PPP1R12B: variants seen among roughly 807,000 people sequenced by gnomAD.
The protein encoded by PPP1R12B is protein phosphatase 1 regulatory subunit 12B, also known as myosin phosphatase target subunit 2.
A neutral mutation model predicts 126.1 loss-of-function variants in PPP1R12B; 76 were observed. The observed-to-expected ratio is 0.60, with a 90% CI of 0.50 to 0.73. The LOEUF is 0.73. PPP1R12B is among the 30% of genes least tolerant of loss of function. The pLI is 0.00. For missense variants in PPP1R12B, 1,052 were observed against 1,205.1 expected (o/e 0.87, Z 1.88); for synonymous variants, 356 against 434.7 (o/e 0.82, Z 2.25).
intron 1 of PPP1R12B, among the ~76,000 whole-genome samples, chr1:202,358,356 TTA>T (rs1452318067): frequency 6.6e-5 from 10 of 152,258 alleles, no homozygotes; most frequent in African/African-American, 2.4e-4. Context: ...CATGCAGAGT[TTA>T]TGTTTGTTTC....
intron 18 of PPP1R12B, among the ~76,000 whole-genome samples, chr1:202,543,623 G>A (rs1255772507): frequency 3.9e-5 from 6 of 152,102 alleles, no homozygotes; most frequent in African/African-American, 9.7e-5. Context: ...CACCTGTTAA[G>A]CTTTTCGGGA....
intron 7 of PPP1R12B, 112 bp downstream of exon 7, chr1:202,430,922 T>C (rs1670112443): frequency 7.1e-7 from 1 of 1,412,378 alleles, no homozygotes; most frequent in Non-Finnish European, 9.3e-7. Flanking sequence ...AGCCGAGTGA[T>C]CTATAAACTT....
At position 202,580,668 on chromosome 1, in the gene PPP1R12B, G is replaced by T. The variant is rs560982842; in HGVS notation, c.*108G>T. On this transcript the variant is annotated 3_prime_UTR_variant, in exon 24 of 24. Transcript: ENST00000608999. Reference sequence around the variant, plus strand: ...AAAGAAATGGATGTTTTGGTGGAAGGACACTTCTTTCTATCACCCTCTTCA... The same window carrying T: ...AAAGAAATGGATGTTTTGGTGGAAGTACACTTCTTTCTATCACCCTCTTCA... 1.8e-5 allele frequency: 16 copies of T among 902,338 alleles called. No individual in the cohort carries two copies. The East Asian group carries it at 3.4e-4, about 19-fold the overall frequency. The allele number at this position is 902,338 out of a possible 1,614,324, so 55.9% of individuals were successfully genotyped here.
At chr1:202,525,972 G>A (rs1295611423) in intron 18 of PPP1R12B, among the ~76,000 whole-genome samples, 1 of 152,244 alleles carries the variant, frequency 6.6e-6, no homozygotes, top group Non-Finnish European at 1.5e-5. Context: ...TGGGATCACA[G>A]GCGTGAGCTG....
intron 1 of PPP1R12B, among the ~76,000 whole-genome samples, chr1:202,402,699 G>A (rs1175306253): frequency 1.3e-5 from 2 of 152,172 alleles, no homozygotes; most frequent in African/African-American, 2.4e-5. Context: ...TGAGGTCAGA[G>A]CAATGTAGAA....
intron 12 of PPP1R12B, 86 bp from the exon 13 acceptor site, chr1:202,448,903 C>T (rs1422499296): frequency 6.4e-6 from 9 of 1,409,932 alleles, no homozygotes; most frequent in Non-Finnish European, 8.8e-6. Flanking sequence ...ATGAACCACT[C>T]TTTAATCCTT....
chr1:202,531,126 G>C (rs1419018486), intron 18 of PPP1R12B, among the ~76,000 whole-genome samples: 4 of 152,202 alleles, frequency 2.6e-5, no homozygotes, highest in African/African-American at 7.2e-5. Flanking sequence ...ATCAGAAGAA[G>C]AAGAAGTGAC....
chr1:202,577,749 T>C (rs1214253844), intron 23 of PPP1R12B, among the ~76,000 whole-genome samples: 1 of 152,262 alleles, frequency 6.6e-6, no homozygotes, highest in East Asian at 1.9e-4. Context: ...TTGCTCTAGG[T>C]CTCTGAAGCT....
chr1:202,429,077 A>G (rs1056107970), intron 6 of PPP1R12B, 148 bp downstream of exon 6: 5 of 642,210 alleles, frequency 7.8e-6, no homozygotes, highest in African/African-American at 5.7e-5. Flanking sequence ...TTCAGGAACT[A>G]TAAACAGTCT....
chr1:202,362,637 A>G (rs1658412715), intron 1 of PPP1R12B, among the ~76,000 whole-genome samples: 2 of 148,674 alleles, frequency 1.3e-5, no homozygotes, highest in Admixed American at 6.9e-5. Context: ...TCATGACAGA[A>G]TCAGCAAGGC....
chr1:202,365,463 T>A (rs1001216058), intron 1 of PPP1R12B, among the ~76,000 whole-genome samples: 2 of 152,088 alleles, frequency 1.3e-5, no homozygotes, highest in African/African-American at 4.8e-5. Flanking sequence ...TTTTACTGAG[T>A]GCTGCTTTAT....
At chr1:202,510,734 A>C (rs545035133) in intron 18 of PPP1R12B, among the ~76,000 whole-genome samples, 83 of 152,128 alleles carry the variant, frequency 5.5e-4, no homozygotes, top group Non-Finnish European at 1.0e-3. Flanking sequence ...GTCAGGCACT[A>C]TGCATTAGAG....
At chr1:202,542,327 G>T (rs1440039387) in intron 18 of PPP1R12B, among the ~76,000 whole-genome samples, 1 of 152,160 alleles carries the variant, frequency 6.6e-6, no homozygotes, top group Non-Finnish European at 1.5e-5. Flanking sequence ...TGAAAGGTGG[G>T]TATTGCTATC....
intron 13 of PPP1R12B, among the ~76,000 whole-genome samples, chr1:202,482,351 C>T (rs1272366003): frequency 6.6e-6 from 1 of 152,192 alleles, no homozygotes; most frequent in Non-Finnish European, 1.5e-5. Context: ...TACAGTCCCA[C>T]CAACTTGTGT....
intron 8 of PPP1R12B, among the ~76,000 whole-genome samples, chr1:202,433,471 C>T (rs1670434005): frequency 6.6e-6 from 1 of 152,178 alleles, no homozygotes; most frequent in African/African-American, 2.4e-5. Flanking sequence ...TCTATCTTTG[C>T]CTACAGAGTA....
chr1:202,538,731 G>T (rs1449001962), intron 18 of PPP1R12B, among the ~76,000 whole-genome samples: 2 of 152,304 alleles, frequency 1.3e-5, no homozygotes, highest in Non-Finnish European at 2.9e-5. Flanking sequence ...AAGTGCAAAA[G>T]ATTAAATTTT....
At chr1:202,426,247 G>A (rs1297676650) in intron 4 of PPP1R12B, among the ~76,000 whole-genome samples, 1 of 152,106 alleles carries the variant, frequency 6.6e-6, no homozygotes, top group East Asian at 1.9e-4. Flanking sequence ...AATGTTCACA[G>A]GCTTTCCCAA....
chr1:202,450,817 G>C (rs1255825682), intron 13 of PPP1R12B, among the ~76,000 whole-genome samples: 2 of 152,094 alleles, frequency 1.3e-5, no homozygotes, highest in Non-Finnish European at 2.9e-5. Context: ...TGTTCTTTTT[G>C]CTTAGGGTGG....
At chr1:202,518,417 T>A (rs1021041370) in intron 18 of PPP1R12B, among the ~76,000 whole-genome samples, 17 of 152,224 alleles carry the variant, frequency 1.1e-4, no homozygotes, top group African/African-American at 4.1e-4. Flanking sequence ...GCTTTACCAT[T>A]CCCCACCAGC....
Sources: gnomAD v4.1 joint callset for allele counts (sites outside exome capture counted in the v4.1 genomes callset) on GRCh38, gnomAD v4.1.1 for gene constraint, MANE v1.5 for transcripts, NCBI Gene and HGNC (gene_info 2026-07-23, HGNC 2026-07-21) for gene names.